The following PPP6R3 variants were observed in gnomAD, a reference collection of about 807,000 sequenced individuals.
PPP6R3 encodes the protein protein phosphatase 6 regulatory subunit 3.
Under a neutral mutation model 110.7 loss-of-function variants are expected in PPP6R3, and 38 were observed. That is an observed-to-expected ratio of 0.34 (90% confidence interval 0.26 to 0.45). The LOEUF is 0.45. Ranked by LOEUF, PPP6R3 falls within the 20% of genes least tolerant of loss-of-function variation. The pLI is 1.00. For synonymous variants in PPP6R3, 369 were observed against 373.5 expected (o/e 0.99, Z 0.14); for missense variants, 870 against 1,062.4 (o/e 0.82, Z 2.52).
chr11:68,464,372 A>G (rs1209365754), intron 1 of PPP6R3, among the ~76,000 whole-genome samples: 3 of 151,864 alleles, frequency 2.0e-5, no homozygotes, highest in Non-Finnish European at 2.9e-5. Context: ...CTCGTGATCT[A>G]CCCGCCTCGG....
intron 9 of PPP6R3, among the ~76,000 whole-genome samples, chr11:68,564,747 A>C (rs1483433132): frequency 3.3e-5 from 5 of 152,248 alleles, no homozygotes; most frequent in African/African-American, 1.2e-4. Flanking sequence ...CTAATCTTTC[A>C]GAAACGGATC....
chr11:68,581,049 G>A (rs2099552446), intron 14 of PPP6R3, among the ~76,000 whole-genome samples: 1 of 152,168 alleles, frequency 6.6e-6, no homozygotes, highest in Non-Finnish European at 1.5e-5. Flanking sequence ...GGGATTGCAG[G>A]CGTGAGCCAC....
chr11:68,521,320 T>A (rs927324884), intron 2 of PPP6R3, among the ~76,000 whole-genome samples: 1 of 152,226 alleles, frequency 6.6e-6, no homozygotes, highest in African/African-American at 2.4e-5. Flanking sequence ...AAATAAGGTA[T>A]CATTAATTGT....
chr11:68,474,492 G>A (rs2098814464), intron 1 of PPP6R3, among the ~76,000 whole-genome samples: 1 of 151,832 alleles, frequency 6.6e-6, no homozygotes, highest in African/African-American at 2.4e-5. Context: ...TGATTTATGT[G>A]TCCATGTTCA....
chr11:68,564,278 C>T, intron 8 of PPP6R3, 25 bp from the exon 9 acceptor site: 3 of 1,581,362 alleles, frequency 1.9e-6, no homozygotes, highest in Non-Finnish European at 2.6e-6. Flanking sequence ...ATTATAATAA[C>T]TAAAATTCCT....
chr11:68,549,143 G>A (rs2099360901), intron 5 of PPP6R3, among the ~76,000 whole-genome samples: 1 of 152,140 alleles, frequency 6.6e-6, no homozygotes, highest in Non-Finnish European at 1.5e-5. Context: ...CGCCCGCCTG[G>A]GCCTCCCAAA....
At chr11:68,493,495 C>G (rs2098996130) in intron 1 of PPP6R3, among the ~76,000 whole-genome samples, 1 of 150,928 alleles carries the variant, frequency 6.6e-6, no homozygotes, top group Non-Finnish European at 1.5e-5. Context: ...TGCAATGGTA[C>G]GATCATAGCT....
intron 1 of PPP6R3, among the ~76,000 whole-genome samples, chr11:68,500,133 A>G (rs1051015863): frequency 7.9e-5 from 12 of 152,210 alleles, no homozygotes; most frequent in Non-Finnish European, 1.5e-4. Context: ...AACCGTAACA[A>G]CCACAAAGCC....
Position 68,588,482 on chromosome 11 carries a change from G to C in PPP6R3, c.1730+458G>C, listed in dbSNP as rs865805343. 9.2e-5 allele frequency among the ~76,000 whole-genome samples: 14 copies of C among 152,050 alleles called. No homozygotes were observed. The Middle Eastern group carries it at 0.017, about 186-fold the overall frequency. On this transcript the variant is annotated intron_variant, in intron 16 of 23. Transcript: ENST00000393800. ...ACGTGGTCCCTTTTTTTTGGAGACAGAGTCTCATTCTGTTGCCCCGGCTGG... is the reference window on the plus strand; with the variant it reads ...ACGTGGTCCCTTTTTTTTGGAGACACAGTCTCATTCTGTTGCCCCGGCTGG...
intron 1 of PPP6R3, among the ~76,000 whole-genome samples, chr11:68,471,650 C>T (rs2098792900): frequency 6.6e-6 from 1 of 152,152 alleles, no homozygotes; most frequent in Non-Finnish European, 1.5e-5. Context: ...GGATTTGCCA[C>T]AGTGATGAAG....
intron 9 of PPP6R3, among the ~76,000 whole-genome samples, chr11:68,565,929 A>G (rs2153748922): frequency 6.6e-6 from 1 of 152,154 alleles, no homozygotes; most frequent in Non-Finnish European, 1.5e-5. Context: ...CCTCGGGAGG[A>G]TGGGAGCCAG....
intron 23 of PPP6R3, among the ~76,000 whole-genome samples, chr11:68,612,569 A>ACAC (rs1296437386): frequency 1.4e-5 from 2 of 147,658 alleles, no homozygotes; most frequent in Non-Finnish European, 3.0e-5. Context: ...CTTCAAGTGG[A>ACAC]CACCTTTTTT....
chr11:68,470,593 A>T (rs2098784022), intron 1 of PPP6R3, among the ~76,000 whole-genome samples: 1 of 152,100 alleles, frequency 6.6e-6, no homozygotes, highest in Non-Finnish European at 1.5e-5. Flanking sequence ...GTGGTTTCTA[A>T]AGGTCCCACT....
At chr11:68,531,571 C>T (rs77295179) in intron 2 of PPP6R3, among the ~76,000 whole-genome samples, 4,450 of 152,084 alleles carry the variant, frequency 0.029, 250 homozygotes, top group African/African-American at 0.1. Flanking sequence ...GGATTACAGA[C>T]GTGAGCCACC....
chr11:68,613,401 ATAG>A lies in PPP6R3; in HGVS notation c.*290_*292del. 3 of 1,138,124 alleles carry A rather than the reference ATAG, an allele frequency of 2.6e-6. No individual in the cohort carries two copies. Among genetic ancestry groups the A allele is most frequent in the Non-Finnish European group, 2.2e-6 (2 of 927,250 alleles). The allele number at this position is 1,138,124 out of a possible 1,614,324, so 70.5% of individuals were successfully genotyped here. ...ATAAGATCTTGCCACCCATGTAATA[ATAG>A]TAGTAATACTATAGTTAAAATGGCT... On this transcript the variant is annotated 3_prime_UTR_variant, in exon 24 of 24. Coordinates refer to ENST00000393800, the MANE Select transcript of PPP6R3 (RefSeq NM_001164161.2).
At chr11:68,586,444 G>A (rs1321628688) in intron 15 of PPP6R3, 1 of 152,506 alleles carries the variant, frequency 6.6e-6, no homozygotes, top group East Asian at 1.9e-4. Context: ...GCTCAGCCTT[G>A]GTTTACACTC....
intron 2 of PPP6R3, among the ~76,000 whole-genome samples, chr11:68,533,704 CAAAA>C (rs58617776): frequency 8.5e-4 from 48 of 56,158 alleles, no homozygotes; most frequent in African/African-American, 2.8e-3. Context: ...GACCTTGTCT[CAAAA>C]AAAAAAAAAA....
chr11:68,609,994 C>T lies in PPP6R3; in HGVS notation c.2541C>T (p.Pro847=), dbSNP rs201728459. ...PETAEAKCAA[P]RPPSSSPEQR... ...CTGCAGAGGCGAAGTGCGCGGCGCC[C>T]AGGCCTCCCAGCAGCAGTCCCGAGC... Residue 847 remains proline, a synonymous_variant, in exon 23 of 24, where the codon CCC becomes CCT. Coordinates refer to ENST00000393800, the MANE Select transcript of PPP6R3 (RefSeq NM_001164161.2). 2.5e-6 allele frequency: 4 copies of T among 1,614,002 alleles called. No individual in the cohort carries two copies. The highest frequency in any genetic ancestry group is 1.7e-5 in the Admixed American group (1 of 60,008).
chr11:68,518,875 A>G lies in PPP6R3; in HGVS notation c.-157-626A>G, dbSNP rs562489208. Among the ~76,000 whole-genome samples, 7 of 152,272 alleles carry G rather than the reference A, an allele frequency of 4.6e-5. No homozygotes were observed. In the South Asian group the frequency reaches 6.2e-4, roughly 14 times the overall value. Reference sequence around the variant, plus strand: ...TTTTTTTTTGGCCCTGTCAGGCTTCACTACTTAGAGGAATTCTAATTAGTT... The same window carrying G: ...TTTTTTTTTGGCCCTGTCAGGCTTCGCTACTTAGAGGAATTCTAATTAGTT... On this transcript the variant is annotated intron_variant, in intron 1 of 23. Transcript: ENST00000393800.
Sources: gnomAD v4.1 joint callset for allele counts (sites outside exome capture counted in the v4.1 genomes callset) on GRCh38, gnomAD v4.1.1 for gene constraint, MANE v1.5 for transcripts, NCBI Gene and HGNC (gene_info 2026-07-23, HGNC 2026-07-21) for gene names.